MTUS2: variants seen among roughly 807,000 people sequenced by gnomAD.
MTUS2 encodes microtubule-associated tumor suppressor candidate 2.
A neutral mutation model predicts 114.1 loss-of-function variants in MTUS2; 40 were observed. That is an observed-to-expected ratio of 0.35 (90% confidence interval 0.27 to 0.46). The LOEUF (loss-of-function observed/expected upper bound fraction) is 0.46. Among genes scored for constraint, MTUS2 ranks in the 20% least tolerant of loss-of-function variants. The pLI is 1.00. For synonymous variants in MTUS2, 688 were observed against 672.0 expected (o/e 1.02, Z -0.37); for missense variants, 1,679 against 1,705.4 (o/e 0.98, Z 0.27).
chr13:29,112,925 G>T lies in MTUS2; in HGVS notation c.2644+11955G>T, dbSNP rs142795494. Among the ~76,000 whole-genome samples, 661 of 152,276 alleles carry T rather than the reference G, an allele frequency of 4.3e-3. 6 individuals are homozygous for T. Among genetic ancestry groups the T allele is most frequent in the African/African-American group, 0.014 (587 of 41,550 alleles). ...GGAATTGGACATGGGATTACATAAA[G>T]AGGCAGGTAATGGTTCTTTGAGTAA... On this transcript the variant is annotated intron_variant, in intron 5 of 15. Transcript: ENST00000612955.
chr13:29,183,153 G>A (rs1171626660), intron 5 of MTUS2, among the ~76,000 whole-genome samples: 10 of 152,104 alleles, frequency 6.6e-5, no homozygotes, highest in African/African-American at 2.4e-4. Context: ...AGGATGAATT[G>A]TACCACGGAA....
intron 8 of MTUS2, among the ~76,000 whole-genome samples, chr13:29,382,554 G>T (rs917227580): frequency 6.6e-6 from 1 of 152,194 alleles, no homozygotes; most frequent in Non-Finnish European, 1.5e-5. Flanking sequence ...AGAAGTTTAC[G>T]AACTGAGTTC....
intron 8 of MTUS2, among the ~76,000 whole-genome samples, chr13:29,398,458 T>A (rs1874072129): frequency 1.5e-5 from 2 of 136,122 alleles, no homozygotes; most frequent in African/African-American, 2.8e-5. Context: ...TGAGACTCTG[T>A]CTCAAAATTA....
At chr13:28,953,369 C>T (rs1882905687) in intron 2 of MTUS2, among the ~76,000 whole-genome samples, 1 of 151,964 alleles carries the variant, frequency 6.6e-6, no homozygotes, top group African/African-American at 2.4e-5. Context: ...ATTAGCCGGG[C>T]ATGGTGGTGT....
intron 5 of MTUS2, among the ~76,000 whole-genome samples, chr13:29,272,936 T>C (rs1019509999): frequency 4.6e-5 from 7 of 152,208 alleles, no homozygotes; most frequent in Non-Finnish European, 1.0e-4. Context: ...CTGCACCCTC[T>C]GAGGGGAAGA....
intron 5 of MTUS2, among the ~76,000 whole-genome samples, chr13:29,170,560 A>G (rs911646045): frequency 4.6e-5 from 7 of 152,236 alleles, no homozygotes; most frequent in Non-Finnish European, 1.0e-4. Flanking sequence ...ATGCTGAGTG[A>G]ACTGTAAAAC....
At chr13:29,318,932 C>G (rs771327574) in intron 6 of MTUS2, among the ~76,000 whole-genome samples, 3 of 152,146 alleles carry the variant, frequency 2.0e-5, no homozygotes, top group Non-Finnish European at 4.4e-5. Flanking sequence ...GCCAGTATTT[C>G]AAATTAAACT....
chr13:29,071,409 A>ATTTTTTTTTTTTTTT lies in MTUS2; in HGVS notation c.2447-29344_2447-29330dup, dbSNP rs751020009. On this transcript the variant is annotated intron_variant, in intron 4 of 15. Coordinates refer to ENST00000612955, the MANE Select transcript of MTUS2 (RefSeq NM_001033602.4). ...TTTAAAAGATCTCTATGTTGCTTGA[A>ATTTTTTTTTTTTTTT]TTTTTTTTTTTTTTTTTTTTTTTTT... 6.1e-4 allele frequency among the ~76,000 whole-genome samples: 28 copies of ATTTTTTTTTTTTTTT among 46,142 alleles called. 4 individuals are homozygous for ATTTTTTTTTTTTTTT. The highest frequency in any genetic ancestry group is 0.048 in the Middle Eastern group (2 of 42). The allele number at this position is 46,142 out of a possible 152,430, so 30.3% of individuals were successfully genotyped here. A position where few individuals can be genotyped will look rare whatever the true frequency, so the allele number is the denominator to read the frequency against.
At chr13:28,987,530 A>G (rs1342766743) in intron 2 of MTUS2, among the ~76,000 whole-genome samples, 3 of 152,116 alleles carry the variant, frequency 2.0e-5, no homozygotes, top group Non-Finnish European at 2.9e-5. Flanking sequence ...GGCTTGAGGA[A>G]GCTCGACCCT....
chr13:29,106,827 G>A (rs963631526), intron 5 of MTUS2, among the ~76,000 whole-genome samples: 8 of 151,906 alleles, frequency 5.3e-5, no homozygotes, highest in East Asian at 1.9e-4. Context: ...CTTTGACCCC[G>A]TTTCAATTGC....
intron 2 of MTUS2, among the ~76,000 whole-genome samples, chr13:28,977,049 A>G (rs1380780799): frequency 6.6e-6 from 1 of 152,032 alleles, no homozygotes; most frequent in African/African-American, 2.4e-5. Context: ...TTTTTATCAA[A>G]TCTCTGCTTG....
intron 8 of MTUS2, among the ~76,000 whole-genome samples, chr13:29,389,337 G>A (rs1872909595): frequency 4.1e-5 from 2 of 48,932 alleles, no homozygotes; most frequent in South Asian, 9.5e-4. Flanking sequence ...GTGTATATAT[G>A]TATGCACGTG....
At chr13:28,874,614 G>A (rs535010881) in intron 2 of MTUS2, among the ~76,000 whole-genome samples, 4 of 152,286 alleles carry the variant, frequency 2.6e-5, no homozygotes, top group African/African-American at 9.6e-5. Flanking sequence ...GGGTCCTCAA[G>A]GCATGGTTGC....
Position 29,496,040 on chromosome 13 carries a change from T to C in MTUS2, c.3580-1198T>C, listed in dbSNP as rs753000748. The stretch of plus-strand genomic sequence containing the variant: ...AGAAATGGTCCTGTGCAAAGAGCTT[T>C]GGACTGGTCTGCATGAGTGAGACAT... On this transcript the variant is annotated intron_variant, in intron 12 of 15. Coordinates refer to ENST00000612955, the MANE Select transcript of MTUS2 (RefSeq NM_001033602.4). This position sits in a 1 kb window ranked among gnomAD's most constrained non-coding sequence, Gnocchi z 4.3. Among the ~76,000 whole-genome samples, 11 of 152,212 alleles carry C rather than the reference T, an allele frequency of 7.2e-5. No homozygotes were observed. Among genetic ancestry groups the C allele is most frequent in the African/African-American group, 2.7e-4 (11 of 41,450 alleles).
chr13:29,148,501 C>T (rs1237203196), intron 5 of MTUS2, among the ~76,000 whole-genome samples: 123 of 43,682 alleles, frequency 2.8e-3, no homozygotes, highest in African/African-American at 6.0e-3. Context: ...TTTTTTGAGA[C>T]GGAGTCTCGC....
intron 6 of MTUS2, among the ~76,000 whole-genome samples, chr13:29,311,208 A>G (rs12870131): frequency 0.36 from 55,239 of 152,090 alleles, 11,486 homozygotes; most frequent in Non-Finnish European, 0.48. Flanking sequence ...TGGTAAAACT[A>G]TGAGGAAAAG....
intron 5 of MTUS2, among the ~76,000 whole-genome samples, chr13:29,125,643 C>A (rs1297202181): frequency 1.3e-5 from 2 of 152,112 alleles, no homozygotes; most frequent in Non-Finnish European, 2.9e-5. Flanking sequence ...CCAGAGGCAA[C>A]CTGCCGCAGG....
chr13:29,034,923 T>C (rs1886996071), intron 4 of MTUS2, among the ~76,000 whole-genome samples: 1 of 152,186 alleles, frequency 6.6e-6, no homozygotes, highest in African/African-American at 2.4e-5. Context: ...GTGACAAATG[T>C]TCACAGTTTT....
At chr13:28,849,023 G>C (rs1876074969) in intron 2 of MTUS2, among the ~76,000 whole-genome samples, 1 of 152,180 alleles carries the variant, frequency 6.6e-6, no homozygotes, top group Admixed American at 6.5e-5. Flanking sequence ...TAACAGCCTT[G>C]TTATGATTTA....
Sources: allele counts gnomAD v4.1 joint callset (sites outside exome capture counted in the v4.1 genomes callset), GRCh38; gene constraint gnomAD v4.1.1; non-coding constraint Gnocchi (gnomAD v3.1); transcripts MANE v1.5; gene names NCBI Gene and HGNC (gene_info 2026-07-23, HGNC 2026-07-21).